CSMD1: variants seen among roughly 807,000 people sequenced by gnomAD.
The protein encoded by CSMD1 is CUB and sushi domain-containing protein 1.
A neutral mutation model predicts 417.5 loss-of-function variants in CSMD1; 213 were observed. That is an observed-to-expected ratio of 0.51 (90% CI 0.46 to 0.57). The LOEUF (loss-of-function observed/expected upper bound fraction) is 0.57. Among genes scored for constraint, CSMD1 ranks in the 20% least tolerant of loss-of-function variants. The probability of loss-of-function intolerance (pLI) is 0.00; values close to 1 mark genes in which losing one functional copy is unlikely to be tolerated. For missense variants in CSMD1, 6,923 were observed against 4,529.7 expected (o/e 1.53, Z -15.17); for synonymous variants, 2,862 against 1,736.8 (o/e 1.65, Z -16.11).
intron 1 of CSMD1, among the ~76,000 whole-genome samples, chr8:4,702,578 A>C (rs964627745): frequency 2.0e-5 from 3 of 152,208 alleles, no homozygotes; most frequent in African/African-American, 7.2e-5. Context: ...AAGGTTCCGT[A>C]GGAGAACACA....
chr8:4,091,532 G>A (rs913223214), intron 3 of CSMD1, among the ~76,000 whole-genome samples: 1 of 152,090 alleles, frequency 6.6e-6, no homozygotes, highest in African/African-American at 2.4e-5. Context: ...GTTAAAGCTG[G>A]CACTCAGCAA....
At chr8:4,176,747 A>C (rs570850788) in intron 3 of CSMD1, among the ~76,000 whole-genome samples, 8 of 150,048 alleles carry the variant, frequency 5.3e-5, no homozygotes, top group Admixed American at 6.7e-5. Context: ...CTACCAAGCA[A>C]ATGGAAAACA....
intron 7 of CSMD1, among the ~76,000 whole-genome samples, chr8:3,638,621 T>C (rs748058834): frequency 6.6e-6 from 1 of 152,108 alleles, no homozygotes; most frequent in African/African-American, 2.4e-5. Flanking sequence ...TCCTGCCCAG[T>C]CATGTGGAGG....
intron 1 of CSMD1, among the ~76,000 whole-genome samples, chr8:4,947,655 A>C (rs1808459392): frequency 6.6e-6 from 1 of 152,106 alleles, no homozygotes; most frequent in South Asian, 2.1e-4. Flanking sequence ...AACCACTTAC[A>C]TTTTGGGTTG....
chr8:3,438,370 T>A (rs1325684655), intron 12 of CSMD1, among the ~76,000 whole-genome samples: 1 of 152,140 alleles, frequency 6.6e-6, no homozygotes, highest in Non-Finnish European at 1.5e-5. Flanking sequence ...ACAGAACATG[T>A]CCAGCAACAC....
intron 25 of CSMD1, among the ~76,000 whole-genome samples, chr8:3,294,945 C>T (rs555481437): frequency 2.0e-5 from 3 of 151,880 alleles, no homozygotes; most frequent in African/African-American, 7.3e-5. Flanking sequence ...TGGAGCTGTT[C>T]CTATTTGGCC....
At chr8:3,538,364 G>GCACCTGGGATTCCA (rs1223891537) in intron 10 of CSMD1, among the ~76,000 whole-genome samples, 1 of 151,920 alleles carries the variant, frequency 6.6e-6, no homozygotes, top group Non-Finnish European at 1.5e-5. Context: ...CTGGGATGAT[G>GCACCTGGGATTCCA]CACCTGGGAT....
chr8:3,686,473 T>A lies in CSMD1; in HGVS notation c.1009+21941A>T, dbSNP rs145843991. Among the ~76,000 whole-genome samples, 457 of 152,290 alleles carry A rather than the reference T, an allele frequency of 3.0e-3. 1 individual carries two copies. The highest frequency in any genetic ancestry group is 5.3e-3 in the Non-Finnish European group (360 of 68,040). Reference sequence around the variant, plus strand: ...CACCCCACCATATGCTGCTCTGGCATGTTTAAATTAAAGACGCTTAAAAAA... The same window carrying A: ...CACCCCACCATATGCTGCTCTGGCAAGTTTAAATTAAAGACGCTTAAAAAA... On this transcript the variant is annotated intron_variant, in intron 7 of 69. Transcript: ENST00000635120.
intron 2 of CSMD1, among the ~76,000 whole-genome samples, chr8:4,426,471 T>A (rs1797561471): frequency 6.8e-6 from 1 of 148,114 alleles, no homozygotes; most frequent in Non-Finnish European, 1.5e-5. Flanking sequence ...CAGACTACAG[T>A]TTATATATAT....
chr8:4,872,376 C>T (rs960791500), intron 1 of CSMD1, among the ~76,000 whole-genome samples: 1 of 152,070 alleles, frequency 6.6e-6, no homozygotes, highest in Non-Finnish European at 1.5e-5. Flanking sequence ...GTAATTGAAT[C>T]ATGGGAGTGG....
rs147260172 is a variant in CSMD1 at position 3,850,448 on chromosome 8, A to C, written c.819-96406T>G. ...GGTGGCTCAGGCCTTTAATTCCAGC[A>C]TTTTGGAAGGCTGAGGCAGGCAGAT... is the stretch of plus-strand genomic sequence containing the variant. On this transcript the variant is annotated intron_variant, in intron 5 of 69. Coordinates refer to ENST00000635120, the MANE Select transcript of CSMD1 (RefSeq NM_033225.6). Among the ~76,000 whole-genome samples, 951 of 152,292 alleles carry C rather than the reference A, an allele frequency of 6.2e-3. 14 individuals carry two copies. Among genetic ancestry groups the C allele is most frequent in the African/African-American group, 0.021 (892 of 41,548 alleles).
chr8:4,953,795 A>G (rs1417805870), intron 1 of CSMD1, among the ~76,000 whole-genome samples: 1 of 152,192 alleles, frequency 6.6e-6, no homozygotes, highest in Non-Finnish European at 1.5e-5. Flanking sequence ...TAATTTTCCC[A>G]AAATGTGGTT....
chr8:4,204,958 C>A (rs544621931), intron 3 of CSMD1, among the ~76,000 whole-genome samples: 11 of 152,088 alleles, frequency 7.2e-5, no homozygotes, highest in African/African-American at 2.2e-4. Context: ...CTGAATCTGG[C>A]CTATAAAAAT....
At chr8:3,847,254 G>A (rs1429133432) in intron 5 of CSMD1, among the ~76,000 whole-genome samples, 3 of 152,248 alleles carry the variant, frequency 2.0e-5, no homozygotes, top group South Asian at 2.1e-4. Context: ...GATGTAGAAA[G>A]GTCCCTAATC....
chr8:3,856,498 C>G (rs577758055), intron 5 of CSMD1, among the ~76,000 whole-genome samples: 1 of 152,150 alleles, frequency 6.6e-6, no homozygotes, highest in African/African-American at 2.4e-5. Flanking sequence ...AGGAGGAGAA[C>G]TGCATGAGGA....
At chr8:4,248,320 T>C (rs1050750091) in intron 3 of CSMD1, among the ~76,000 whole-genome samples, 1 of 152,146 alleles carries the variant, frequency 6.6e-6, no homozygotes, top group Non-Finnish European at 1.5e-5. Context: ...AATCAATCAA[T>C]GCATGAAAGT....
chr8:4,014,572 T>C (rs189046066), intron 4 of CSMD1, among the ~76,000 whole-genome samples: 5 of 152,188 alleles, frequency 3.3e-5, no homozygotes, highest in African/African-American at 4.8e-5. Context: ...ACCTGGATCA[T>C]CTCATCTAAT....
chr8:4,528,921 A>G (rs926558660), intron 2 of CSMD1, among the ~76,000 whole-genome samples: 12 of 152,204 alleles, frequency 7.9e-5, no homozygotes, highest in African/African-American at 2.2e-4. Context: ...CTTGAGTTCA[A>G]GGAGTCATCT....
At chr8:4,184,231 A>G (rs921362395) in intron 3 of CSMD1, among the ~76,000 whole-genome samples, 1 of 152,198 alleles carries the variant, frequency 6.6e-6, no homozygotes, top group South Asian at 2.1e-4. Flanking sequence ...AAGCAGAGAC[A>G]ATATATTTAT....
Sources: allele counts gnomAD v4.1 joint callset (sites outside exome capture counted in the v4.1 genomes callset), GRCh38; gene constraint gnomAD v4.1.1; transcripts MANE v1.5; gene names NCBI Gene and HGNC (gene_info 2026-07-23, HGNC 2026-07-21).